Variants in ARHGAP21 observed in about 807,000 individuals in gnomAD.
ARHGAP21 encodes the protein rho GTPase-activating protein 21.
Under a neutral mutation model 164.6 loss-of-function variants are expected in ARHGAP21, and 38 were observed. That is an observed-to-expected ratio of 0.23 (90% confidence interval 0.18 to 0.30). The LOEUF is 0.30. Ranked by LOEUF, ARHGAP21 falls within the 10% of genes least tolerant of loss-of-function variation. The probability of loss-of-function intolerance (pLI) is 1.00; values close to 1 mark genes in which losing one functional copy is unlikely to be tolerated. For synonymous variants in ARHGAP21, 766 were observed against 857.9 expected, an observed-to-expected ratio of 0.89 and a Z score of 1.87; for missense variants, 1,822 against 2,370.7, an observed-to-expected ratio of 0.77 and a Z score of 4.81.
At chr10:24,706,479 G>C (rs1040166402) in intron 2 of ARHGAP21, 2 of 152,536 alleles carry the variant, frequency 1.3e-5, no homozygotes, top group Non-Finnish European at 2.9e-5. Flanking sequence ...GAATTAAAAA[G>C]CAAATATATA....
chr10:24,675,514 T>C (rs1021776198), intron 2 of ARHGAP21, among the ~76,000 whole-genome samples: 12 of 152,230 alleles, frequency 7.9e-5, no homozygotes, highest in African/African-American at 2.7e-4. Flanking sequence ...CACTGGTGCA[T>C]ACTTGCGTAT....
intron 4 of ARHGAP21, among the ~76,000 whole-genome samples, chr10:24,635,969 T>C (rs1331847419): frequency 6.6e-6 from 1 of 152,136 alleles, no homozygotes; most frequent in Non-Finnish European, 1.5e-5. Flanking sequence ...CAGTATAGTA[T>C]AAAAAACAAT....
intron 2 of ARHGAP21, among the ~76,000 whole-genome samples, chr10:24,720,590 C>A (rs1845830150): frequency 6.6e-6 from 1 of 152,190 alleles, no homozygotes; most frequent in African/African-American, 2.4e-5. Context: ...GCACACTGTA[C>A]CTCACAACGT....
At chr10:24,721,712 C>G (rs1845957903) in intron 2 of ARHGAP21, 125 bp downstream of exon 2, 1 of 1,125,636 alleles carries the variant, frequency 8.9e-7, no homozygotes, top group East Asian at 2.6e-5. Context: ...GGGGCGCTCC[C>G]GCCAACAGGC....
At chr10:24,615,846 C>G (rs953262794) in intron 9 of ARHGAP21, among the ~76,000 whole-genome samples, 1 of 152,166 alleles carries the variant, frequency 6.6e-6, no homozygotes, top group African/African-American at 2.4e-5. Flanking sequence ...ACGATCTCAG[C>G]TCTTTGCAAC....
intron 4 of ARHGAP21, among the ~76,000 whole-genome samples, chr10:24,647,079 G>A (rs1389024810): frequency 6.6e-6 from 1 of 152,090 alleles, no homozygotes; most frequent in East Asian, 1.9e-4. Flanking sequence ...CATGTTAAGT[G>A]TTTTAGAACC....
At chr10:24,700,135 G>A (rs559146678) in intron 2 of ARHGAP21, among the ~76,000 whole-genome samples, 12 of 152,190 alleles carry the variant, frequency 7.9e-5, no homozygotes, top group Non-Finnish European at 1.0e-4. Context: ...TTTAATTCCC[G>A]TCCCCTTGCT....
chr10:24,683,334 G>A (rs1189846162), intron 2 of ARHGAP21, among the ~76,000 whole-genome samples: 1 of 152,068 alleles, frequency 6.6e-6, no homozygotes, highest in Non-Finnish European at 1.5e-5. Context: ...CCTTTCTGCT[G>A]TATCTGTATG....
At chr10:24,619,355 AG>A in intron 9 of ARHGAP21, 117 bp downstream of exon 9, 1 of 1,021,556 alleles carries the variant, frequency 9.8e-7, no homozygotes, top group Non-Finnish European at 1.4e-6. Flanking sequence ...GAGATTCACT[AG>A]AAACATTTTA....
chr10:24,665,794 G>C (rs1480813605), intron 4 of ARHGAP21, among the ~76,000 whole-genome samples: 1 of 152,146 alleles, frequency 6.6e-6, no homozygotes, highest in Non-Finnish European at 1.5e-5. Flanking sequence ...GAAAACATCA[G>C]ATAAACTGAA....
intron 2 of ARHGAP21, among the ~76,000 whole-genome samples, chr10:24,711,164 GAGAAAGAA>G (rs1187159967): frequency 2.7e-5 from 4 of 147,764 alleles, no homozygotes; most frequent in Admixed American, 1.4e-4. Context: ...GAGGGAAAAA[GAGAAAGAA>G]AGAGAGAAAG....
chr10:24,633,998 A>C (rs141436950), intron 5 of ARHGAP21, among the ~76,000 whole-genome samples: 158 of 148,558 alleles, frequency 1.1e-3, no homozygotes, highest in African/African-American at 3.8e-3. Context: ...GGTTCAAGCA[A>C]TTCTCTTTCT....
chr10:24,671,030 T>C (rs149216605), intron 2 of ARHGAP21, among the ~76,000 whole-genome samples: 5 of 152,094 alleles, frequency 3.3e-5, no homozygotes, highest in Admixed American at 3.3e-4. Context: ...AGTTCACTAT[T>C]TAGTTCATTC....
chr10:24,639,171 A>G (rs950375068), intron 4 of ARHGAP21, among the ~76,000 whole-genome samples: 1 of 152,128 alleles, frequency 6.6e-6, no homozygotes, highest in African/African-American at 2.4e-5. Context: ...TCTGTCATTC[A>G]TTTTCCAAGT....
intron 25 of ARHGAP21, among the ~76,000 whole-genome samples, chr10:24,587,117 T>C (rs1362972993): frequency 6.6e-6 from 1 of 152,128 alleles, no homozygotes; most frequent in Non-Finnish European, 1.5e-5. Context: ...TGCAGTGTTA[T>C]TGGGAAAGTT....
At chr10:24,628,205 T>C (rs1593082475) in intron 7 of ARHGAP21, among the ~76,000 whole-genome samples, 2 of 152,350 alleles carry the variant, frequency 1.3e-5, no homozygotes, top group East Asian at 1.9e-4. Context: ...ACAACCACTT[T>C]TGCATGTCTA....
intron 4 of ARHGAP21, among the ~76,000 whole-genome samples, chr10:24,663,866 C>T (rs1008748187): frequency 3.3e-5 from 5 of 152,154 alleles, no homozygotes; most frequent in Non-Finnish European, 5.9e-5. Context: ...GCCCTGTGCA[C>T]TGTTTCAACA....
At chr10:24,680,374 G>C (rs7079294) in intron 2 of ARHGAP21, among the ~76,000 whole-genome samples, 3 of 151,922 alleles carry the variant, frequency 2.0e-5, no homozygotes, top group African/African-American at 7.3e-5. Context: ...TTATGACTTG[G>C]CCTCACAGCT....
In ARHGAP21 at chr10:24,666,969, A is replaced by C. The variant is rs1840257155; in HGVS notation, c.268+16T>G. 4 of 1,428,328 alleles carry C rather than the reference A, an allele frequency of 2.8e-6. No individual in the cohort carries two copies. In the South Asian group the frequency reaches 4.9e-5, roughly 18 times the overall value. The allele number at this position is 1,428,328 out of a possible 1,614,324, so 88.5% of individuals were successfully genotyped here. On this transcript the variant is annotated intron_variant, in intron 4 of 25. Coordinates refer to ENST00000396432, the MANE Select transcript of ARHGAP21 (RefSeq NM_020824.4). ...AGAAAAACATTCAGAGATAAATTAA[A>C]ATGTTTATAGCATACCTCCTCTGTT...
Sources: gnomAD v4.1 joint callset for allele counts (sites outside exome capture counted in the v4.1 genomes callset) on GRCh38, gnomAD v4.1.1 for gene constraint, MANE v1.5 for transcripts, NCBI Gene and HGNC (gene_info 2026-07-23, HGNC 2026-07-21) for gene names.